Variants in WDPCP observed in about 807,000 individuals in gnomAD.
WDPCP encodes WD repeat containing planar cell polarity effector, also known as WD repeat-containing and planar cell polarity effector protein fritz homolog.
WDPCP carries 71 observed loss-of-function variants against 93.1 expected under a neutral mutation model. The ratio of observed to expected loss-of-function variants is 0.76; its 90% CI spans 0.63 to 0.93. The LOEUF (loss-of-function observed/expected upper bound fraction) is 0.93, where lower values mean the gene tolerates loss of function less well. Ranked by LOEUF, WDPCP falls within the 40% of genes least tolerant of loss-of-function variation. WDPCP has a pLI of 0.00. For synonymous variants in WDPCP, 315 were observed against 315.0 expected, an observed-to-expected ratio of 1.00 and a Z score of 0.00; for missense variants, 844 against 887.4, an observed-to-expected ratio of 0.95 and a Z score of 0.62.
At chr2:63,128,932 T>G (rs1463281911) in intron 17 of WDPCP, among the ~76,000 whole-genome samples, 1 of 152,206 alleles carries the variant, frequency 6.6e-6, no homozygotes, top group Non-Finnish European at 1.5e-5. Context: ...CCTCTGAAAG[T>G]GCTGGGATTA....
chr2:63,415,423 A>C (rs2105306272), intron 9 of WDPCP, among the ~76,000 whole-genome samples: 1 of 152,286 alleles, frequency 6.6e-6, no homozygotes, highest in East Asian at 1.9e-4. Flanking sequence ...CCTCACCAAT[A>C]ATAATAGTAG....
At chr2:63,350,478 A>G (rs866752450) in intron 12 of WDPCP, among the ~76,000 whole-genome samples, 5 of 32,344 alleles carry the variant, frequency 1.5e-4, no homozygotes, top group Non-Finnish European at 3.8e-4. Context: ...ACGAAACCCA[A>G]AAAAAAAAAA....
chr2:63,755,857 C>A (rs979577641), intron 2 of WDPCP, among the ~76,000 whole-genome samples: 4 of 152,250 alleles, frequency 2.6e-5, no homozygotes, highest in African/African-American at 7.2e-5. Context: ...AATTAGTAAC[C>A]AAGGTGCAAA....
chr2:63,727,214 C>G (rs867603109), intron 2 of WDPCP, among the ~76,000 whole-genome samples: 1 of 151,966 alleles, frequency 6.6e-6, no homozygotes, highest in East Asian at 1.9e-4. Context: ...TTTTGAGGTA[C>G]GTTCTTTTGA....
chr2:63,752,021 C>G (rs1669890262), intron 2 of WDPCP: 2 of 627,730 alleles, frequency 3.2e-6, no homozygotes, highest in Non-Finnish European at 3.0e-6. Context: ...CCTCCACAAC[C>G]AACACCAAAG....
intron 15 of WDPCP, among the ~76,000 whole-genome samples, chr2:63,171,728 A>C (rs1673401309): frequency 6.6e-6 from 1 of 152,208 alleles, no homozygotes; most frequent in Non-Finnish European, 1.5e-5. Context: ...CCACTTAGAA[A>C]CTTAAATGTG....
chr2:63,702,591 T>G (rs1013696304), intron 2 of WDPCP, among the ~76,000 whole-genome samples: 3 of 150,866 alleles, frequency 2.0e-5, no homozygotes, highest in Non-Finnish European at 3.0e-5. Context: ...CAGGGAGGAG[T>G]GCATTGGCGC....
intron 12 of WDPCP, among the ~76,000 whole-genome samples, chr2:63,330,958 C>A (rs1687933571): frequency 6.7e-6 from 1 of 150,308 alleles, no homozygotes; most frequent in South Asian, 2.1e-4. Flanking sequence ...GCAGCCTTGA[C>A]CTCCCAGGTT....
At chr2:63,360,484 C>CTTA (rs1157789820) in intron 12 of WDPCP, among the ~76,000 whole-genome samples, 2 of 152,094 alleles carry the variant, frequency 1.3e-5, no homozygotes, top group African/African-American at 4.8e-5. Flanking sequence ...GCTACCATAC[C>CTTA]TTATGCCAAA....
chr2:63,763,580 T>C (rs1308551940), intron 2 of WDPCP, among the ~76,000 whole-genome samples: 1 of 151,724 alleles, frequency 6.6e-6, no homozygotes, highest in African/African-American at 2.4e-5. Context: ...ATGAAATGCA[T>C]CCAAAATACA....
At chr2:63,361,402 G>A (rs963056057) in intron 12 of WDPCP, among the ~76,000 whole-genome samples, 1 of 152,146 alleles carries the variant, frequency 6.6e-6, no homozygotes, top group African/African-American at 2.4e-5. Flanking sequence ...TGGGGTTACA[G>A]CCTCAATAGC....
chr2:63,674,297 C>T (rs1710378656), intron 2 of WDPCP, among the ~76,000 whole-genome samples: 1 of 152,086 alleles, frequency 6.6e-6, no homozygotes, highest in Admixed American at 6.5e-5. Flanking sequence ...GTAATCAAAG[C>T]TTGCCATGGG....
intron 1 of WDPCP, among the ~76,000 whole-genome samples, chr2:63,561,218 C>A (rs545380231): frequency 1.4e-4 from 21 of 152,294 alleles, no homozygotes; most frequent in African/African-American, 4.6e-4. Context: ...GTGGCTCACG[C>A]CTCTAATCCC....
chr2:63,469,131 T>C (rs1440786799), intron 6 of WDPCP, among the ~76,000 whole-genome samples: 1 of 151,394 alleles, frequency 6.6e-6, no homozygotes, highest in Non-Finnish European at 1.5e-5. Flanking sequence ...GAAATGTAAA[T>C]CAAAACCACA....
intron 13 of WDPCP, among the ~76,000 whole-genome samples, chr2:63,264,466 C>A (rs1681933660): frequency 1.3e-5 from 2 of 152,118 alleles, no homozygotes; most frequent in African/African-American, 4.8e-5. Context: ...AGTGAAACCC[C>A]ACTATGAAAA....
At chr2:63,757,232 G>T (rs747852526) in intron 2 of WDPCP, among the ~76,000 whole-genome samples, 13 of 152,192 alleles carry the variant, frequency 8.5e-5, no homozygotes, top group Admixed American at 3.9e-4. Context: ...CTCAAAATCA[G>T]AATTAATCAG....
At chr2:63,281,019 A>G (rs1202623863) in intron 13 of WDPCP, among the ~76,000 whole-genome samples, 1 of 152,232 alleles carries the variant, frequency 6.6e-6, no homozygotes, top group East Asian at 1.9e-4. Flanking sequence ...ACTGGAAAAG[A>G]AATAATCAGC....
chr2:63,564,922 C>T (rs149780284), intron 1 of WDPCP, among the ~76,000 whole-genome samples: 1,621 of 151,996 alleles, frequency 0.011, 14 homozygotes, highest in Non-Finnish European at 0.015. Context: ...GTATTACAGG[C>T]GCGTGCCACC....
intron 1 of WDPCP, among the ~76,000 whole-genome samples, chr2:63,565,620 T>C (rs1418962430): frequency 1.3e-5 from 2 of 152,178 alleles, no homozygotes; most frequent in Non-Finnish European, 2.9e-5. Context: ...AATGAATAAA[T>C]TACTATATTG....
Sources: gnomAD v4.1 joint callset for allele counts (sites outside exome capture counted in the v4.1 genomes callset) on GRCh38, gnomAD v4.1.1 for gene constraint, MANE v1.5 for transcripts, NCBI Gene and HGNC (gene_info 2026-07-23, HGNC 2026-07-21) for gene names.